Variants in SUCLG2 observed in about 807,000 individuals in gnomAD.
SUCLG2 encodes succinate-CoA ligase GDP-forming subunit beta.
A neutral mutation model predicts 47.9 loss-of-function variants in SUCLG2; 42 were observed. That is an observed-to-expected ratio of 0.88 (90% confidence interval 0.69 to 1.14). The LOEUF (loss-of-function observed/expected upper bound fraction) is 1.14. Among genes scored for constraint, SUCLG2 ranks in the 50% most tolerant of loss-of-function variants. SUCLG2 has a pLI of 0.00. For missense variants in SUCLG2, 571 were observed against 525.9 expected, an observed-to-expected ratio of 1.09 and a Z score of -0.84; for synonymous variants, 195 against 197.3, an observed-to-expected ratio of 0.99 and a Z score of 0.10.
chr3:67,413,530 T>C (rs752317164), intron 9 of SUCLG2, among the ~76,000 whole-genome samples: 1 of 152,222 alleles, frequency 6.6e-6, no homozygotes, highest in African/African-American at 2.4e-5. Flanking sequence ...GTAGTCACCA[T>C]ACATTTATCT....
At chr3:67,652,589 AAAAT>A (rs764848661) in intron 1 of SUCLG2, among the ~76,000 whole-genome samples, 1 of 152,246 alleles carries the variant, frequency 6.6e-6, no homozygotes, top group Non-Finnish European at 1.5e-5. Context: ...CATAAAGAAA[AAAAT>A]AAAAATGTGT....
intron 9 of SUCLG2, among the ~76,000 whole-genome samples, chr3:67,432,112 C>G (rs1030502631): frequency 6.6e-6 from 1 of 152,124 alleles, no homozygotes; most frequent in African/African-American, 2.4e-5. Flanking sequence ...TTAGCAGGCA[C>G]TAGATTTAAC....
Position 67,498,184 on chromosome 3 carries a change from G to A in SUCLG2, c.869C>T (p.Ala290Val), listed in dbSNP as rs371819279. ...SENEPIENEA[A>V]KYDLKYIGLD... ...TCCTATGTATTTTAGATCATATTTG[G>A]CAGCTTCATTTTCAATGGGCTCATT... is the stretch of plus-strand genomic sequence containing the variant. Residue 290 changes from alanine to valine, a missense_variant, in exon 8 of 11, where the codon GCC (alanine) becomes GTC (valine). Physicochemically the swap from Ala to Val is moderately conservative, Grantham distance 64. Transcript: ENST00000307227. 2.5e-6 allele frequency: 4 copies of A among 1,613,330 alleles called. No individual in the cohort carries two copies. In the African/African-American group the frequency reaches 5.3e-5, roughly 22 times the overall value.
chr3:67,639,383 G>C (rs1701060562), intron 1 of SUCLG2, among the ~76,000 whole-genome samples: 1 of 152,038 alleles, frequency 6.6e-6, no homozygotes, highest in Non-Finnish European at 1.5e-5. Context: ...TGTTAAACCA[G>C]TTGTCCGAGG....
At chr3:67,492,522 C>G (rs1705229458) in intron 9 of SUCLG2, among the ~76,000 whole-genome samples, 2 of 152,248 alleles carry the variant, frequency 1.3e-5, no homozygotes, top group South Asian at 4.1e-4. Context: ...CTATTTTATA[C>G]ATTTTTGCTC....
chr3:67,629,038 C>A (rs989542744), intron 1 of SUCLG2, among the ~76,000 whole-genome samples: 8 of 152,300 alleles, frequency 5.3e-5, no homozygotes, highest in Admixed American at 5.2e-4. Flanking sequence ...CATTTCTTCT[C>A]TGAAACCTGC....
At chr3:67,623,082 T>C (rs919315820) in intron 1 of SUCLG2, among the ~76,000 whole-genome samples, 6 of 152,140 alleles carry the variant, frequency 3.9e-5, no homozygotes, top group African/African-American at 1.2e-4. Context: ...TAAATATATA[T>C]ATATATACCT....
chr3:67,453,927 A>T (rs1704118162), intron 9 of SUCLG2, among the ~76,000 whole-genome samples: 2 of 150,916 alleles, frequency 1.3e-5, no homozygotes, highest in African/African-American at 4.9e-5. Flanking sequence ...GCAAACCCCC[A>T]AGGTTGTCGT....
At chr3:67,628,563 C>T (rs1700874399) in intron 1 of SUCLG2, among the ~76,000 whole-genome samples, 1 of 152,142 alleles carries the variant, frequency 6.6e-6, no homozygotes, top group Admixed American at 6.5e-5. Flanking sequence ...TCAAATCTCA[C>T]CTAGAACTGT....
intron 9 of SUCLG2, among the ~76,000 whole-genome samples, chr3:67,430,739 A>G (rs1379588306): frequency 1.3e-5 from 2 of 152,228 alleles, no homozygotes; most frequent in African/African-American, 4.8e-5. Flanking sequence ...AGAAAAATCA[A>G]ATAGATGCAA....
At chr3:67,529,651 C>T (rs1310294302) in intron 2 of SUCLG2, among the ~76,000 whole-genome samples, 1 of 152,192 alleles carries the variant, frequency 6.6e-6, no homozygotes, top group African/African-American at 2.4e-5. Context: ...TAGTTAATAA[C>T]TGCATTATTG....
intron 9 of SUCLG2, 88 bp downstream of exon 9, chr3:67,495,710 T>A: frequency 6.6e-7 from 1 of 1,522,876 alleles, no homozygotes; most frequent in East Asian, 2.3e-5. Flanking sequence ...CATATTGACT[T>A]ATCAACTCTC....
downstream of SUCLG2, among the ~76,000 whole-genome samples, chr3:67,372,497 C>CT (rs1701968600): frequency 6.6e-6 from 1 of 152,110 alleles, no homozygotes; most frequent in Non-Finnish European, 1.5e-5. Context: ...AGGTGCAGCC[C>CT]TTTGGTAGTT....
intron 2 of SUCLG2, among the ~76,000 whole-genome samples, chr3:67,551,216 A>AATTCT (rs1460301474): frequency 6.6e-6 from 1 of 152,212 alleles, no homozygotes; most frequent in Non-Finnish European, 1.5e-5. Flanking sequence ...AAGCTGCCCA[A>AATTCT]ATTCTAAAGA....
intron 9 of SUCLG2, among the ~76,000 whole-genome samples, chr3:67,431,959 A>T (rs1054505245): frequency 6.6e-6 from 1 of 152,200 alleles, no homozygotes; most frequent in East Asian, 1.9e-4. Context: ...TGGTGGCTCA[A>T]TTGGGCACTG....
chr3:67,549,890 G>A (rs570653932), intron 2 of SUCLG2, among the ~76,000 whole-genome samples: 6 of 151,964 alleles, frequency 3.9e-5, no homozygotes, highest in South Asian at 2.1e-4. Context: ...TACAAGGAAC[G>A]TATATTGTAT....
intron 9 of SUCLG2, among the ~76,000 whole-genome samples, chr3:67,475,034 T>C (rs1704712998): frequency 6.6e-6 from 1 of 151,712 alleles, no homozygotes; most frequent in Admixed American, 6.6e-5. Flanking sequence ...AAATCATGCT[T>C]CCCAGAAATG....
At chr3:67,408,296 G>GA (rs1702861770) in intron 9 of SUCLG2, among the ~76,000 whole-genome samples, 1 of 152,074 alleles carries the variant, frequency 6.6e-6, no homozygotes, top group East Asian at 1.9e-4. Context: ...AGCATTCCTC[G>GA]AAAGATACCC....
chr3:67,380,037 T>C (rs540397897), intron 10 of SUCLG2, among the ~76,000 whole-genome samples: 25 of 152,312 alleles, frequency 1.6e-4, no homozygotes, highest in African/African-American at 4.6e-4. Flanking sequence ...GATTCCCACA[T>C]ACAAAGTGTG....
Sources: allele counts gnomAD v4.1 joint callset (sites outside exome capture counted in the v4.1 genomes callset), GRCh38; gene constraint gnomAD v4.1.1; transcripts MANE v1.5; gene names NCBI Gene and HGNC (gene_info 2026-07-23, HGNC 2026-07-21).